FGD4: variants seen among roughly 807,000 people sequenced by gnomAD.
FGD4 encodes FYVE, RhoGEF and PH domain-containing protein 4.
A neutral mutation model predicts 102.0 loss-of-function variants in FGD4; 42 were observed. The observed-to-expected ratio is 0.41, with a 90% CI of 0.32 to 0.53. FGD4 has a LOEUF of 0.53. Ranked by LOEUF, FGD4 falls within the 20% of genes least tolerant of loss-of-function variation. The pLI is 0.21. For synonymous variants in FGD4, 380 were observed against 375.7 expected, an observed-to-expected ratio of 1.01 and a Z score of -0.13; for missense variants, 902 against 1,078.2, an observed-to-expected ratio of 0.84 and a Z score of 2.29.
rs1200892141 is a variant in FGD4, at chr12:32,419,411, T to C, written c.166+19452T>C. ...TCTTTAGTCAGCAGGGGGTAAATCC[T>C]GCCAGGTTTCCTCTGTGACAGGGCA... On this transcript the variant is annotated intron_variant, in intron 1 of 16. Transcript: ENST00000534526. Among the ~76,000 whole-genome samples the C allele has an allele frequency of 2.6e-5, 4 of 152,210 alleles. 1 individual carries two copies.
intron 3 of FGD4, among the ~76,000 whole-genome samples, chr12:32,581,090 A>G (rs1946580225): frequency 6.6e-6 from 1 of 152,180 alleles, no homozygotes; most frequent in Non-Finnish European, 1.5e-5. Flanking sequence ...GAGATGTGAT[A>G]CCTGAACAGA....
intron 1 of FGD4, among the ~76,000 whole-genome samples, chr12:32,446,106 A>C (rs1942606100): frequency 2.0e-5 from 3 of 152,196 alleles, no homozygotes; most frequent in Admixed American, 2.0e-4. Context: ...TGAGCCAGAG[A>C]TCAGGCGACT....
chr12:32,508,278 C>G (rs956670354), intron 1 of FGD4, among the ~76,000 whole-genome samples: 1 of 152,032 alleles, frequency 6.6e-6, no homozygotes, highest in Non-Finnish European at 1.5e-5. Flanking sequence ...TTTACTGTAT[C>G]CTGTAAAGAA....
intron 1 of FGD4, among the ~76,000 whole-genome samples, chr12:32,479,864 C>T (rs1385673882): frequency 6.9e-6 from 1 of 144,624 alleles, no homozygotes; most frequent in Non-Finnish European, 1.5e-5. Flanking sequence ...TCTCGGCTCA[C>T]TGCAACCTCC....
intron 14 of FGD4, 93 bp downstream of exon 14, chr12:32,625,872 CA>C: frequency 2.0e-6 from 3 of 1,536,042 alleles, no homozygotes; most frequent in Non-Finnish European, 2.7e-6. Flanking sequence ...TGACTTTCAA[CA>C]AATCACTTAA....
At position 32,506,474 on chromosome 12, in the gene FGD4, A is replaced by G. The variant is rs1426446321; in HGVS notation, c.167-57663A>G. 2.6e-5 allele frequency among the ~76,000 whole-genome samples: 4 copies of G among 152,234 alleles called. No homozygotes were observed. The East Asian group carries it at 5.8e-4, about 22-fold the overall frequency. On this transcript the variant is annotated intron_variant, in intron 1 of 16. Transcript: ENST00000534526. The surrounding 1 kb of genome is among the most constrained non-coding windows in gnomAD (Gnocchi z 4.5). ...GGAGGGAGGAGCCTGAGGAACGACTATGGTCCACTCTAGGACATATCTGTC... is the reference window on the plus strand; with the variant it reads ...GGAGGGAGGAGCCTGAGGAACGACTGTGGTCCACTCTAGGACATATCTGTC...
intron 1 of FGD4, among the ~76,000 whole-genome samples, chr12:32,542,129 C>G (rs1413629463): frequency 6.8e-6 from 1 of 146,680 alleles, no homozygotes; most frequent in African/African-American, 2.7e-5. Flanking sequence ...TTCATTTTAT[C>G]TATTAATGCC....
chr12:32,410,006 C>T (rs796143973), intron 1 of FGD4, among the ~76,000 whole-genome samples: 3 of 108,926 alleles, frequency 2.8e-5, no homozygotes, highest in African/African-American at 1.0e-4. Flanking sequence ...TCTTGTCTCT[C>T]AAAAAAAAAA....
chr12:32,496,264 T>C (rs1489064242), intron 1 of FGD4, among the ~76,000 whole-genome samples: 1 of 152,212 alleles, frequency 6.6e-6, no homozygotes, highest in Non-Finnish European at 1.5e-5. Context: ...TCGGGTTTTA[T>C]CAGCACAAAA....
intron 1 of FGD4, among the ~76,000 whole-genome samples, chr12:32,424,036 G>T (rs1941745464): frequency 6.6e-6 from 1 of 151,926 alleles, no homozygotes; most frequent in African/African-American, 2.4e-5. Flanking sequence ...GTTCATCCAT[G>T]CTGTTGCAAA....
At chr12:32,620,054 C>T (rs1949712153) in intron 11 of FGD4, among the ~76,000 whole-genome samples, 184 bp downstream of exon 11, 1 of 152,152 alleles carries the variant, frequency 6.6e-6, no homozygotes, top group Admixed American at 6.5e-5. Flanking sequence ...CTCTTGATTC[C>T]TCCATAGTGC....
chr12:32,443,992 A>G (rs1942531999), intron 1 of FGD4, among the ~76,000 whole-genome samples: 3 of 150,676 alleles, frequency 2.0e-5, no homozygotes, highest in African/African-American at 7.3e-5. Flanking sequence ...CAATTCACCC[A>G]TGTAAAGTGG....
chr12:32,477,103 C>T (rs754345279), intron 1 of FGD4, among the ~76,000 whole-genome samples: 7 of 152,198 alleles, frequency 4.6e-5, no homozygotes, highest in Non-Finnish European at 1.0e-4. Flanking sequence ...TCCTGGCCAA[C>T]ATGGCGAAAC....
At chr12:32,451,888 C>T (rs1176840022) in intron 1 of FGD4, among the ~76,000 whole-genome samples, 2 of 135,308 alleles carry the variant, frequency 1.5e-5, no homozygotes, top group Non-Finnish European at 3.1e-5. Context: ...TAAGATCATG[C>T]TGATATTCTA....
rs186098129 is a variant in FGD4 at position 32,410,190 on chromosome 12, T to C, written c.166+10231T>C. ...AAAAATACAAAAAATTAGCCGGGTC[T>C]GGTGGCGGGCGCCTGCAGTCCCAGC... On this transcript the variant is annotated intron_variant, in intron 1 of 16. Coordinates refer to ENST00000534526, the MANE Select transcript of FGD4 (RefSeq NM_001370298.3). 3.4e-3 allele frequency among the ~76,000 whole-genome samples: 518 copies of C among 152,014 alleles called. 3 individuals are homozygous for C. The highest frequency in any genetic ancestry group is 0.021 in the South Asian group (103 of 4,814).
intron 1 of FGD4, among the ~76,000 whole-genome samples, chr12:32,497,536 T>C (rs1018638309): frequency 1.3e-5 from 2 of 152,192 alleles, no homozygotes. Flanking sequence ...GGTTCACTGA[T>C]ATGTTTGATC....
chr12:32,448,519 C>T (rs1283098943), intron 1 of FGD4, among the ~76,000 whole-genome samples: 2 of 151,842 alleles, frequency 1.3e-5, no homozygotes, highest in African/African-American at 2.4e-5. Flanking sequence ...TAGCCAGGTG[C>T]GGTGGCACAT....
intron 16 of FGD4, among the ~76,000 whole-genome samples, chr12:32,639,845 C>T (rs1951063263): frequency 6.6e-6 from 1 of 152,104 alleles, no homozygotes; most frequent in Admixed American, 6.6e-5. Context: ...AGTTTACTCT[C>T]CTTTATTGCT....
intron 8 of FGD4, among the ~76,000 whole-genome samples, chr12:32,608,659 T>C (rs1489520202): frequency 6.6e-6 from 1 of 152,230 alleles, no homozygotes; most frequent in African/African-American, 2.4e-5. Flanking sequence ...TAAAGGCTTA[T>C]GAGTTTCAAT....
Sources: gnomAD v4.1 joint callset for allele counts (sites outside exome capture counted in the v4.1 genomes callset) on GRCh38, gnomAD v4.1.1 for gene constraint, Gnocchi (gnomAD v3.1) non-coding constraint, MANE v1.5 for transcripts, NCBI Gene and HGNC (gene_info 2026-07-23, HGNC 2026-07-21) for gene names.